The following RBFOX1 variants were observed in gnomAD, a reference collection of about 807,000 sequenced individuals.
The protein encoded by RBFOX1 is RNA binding protein fox-1 homolog 1.
RBFOX1 carries 8 observed loss-of-function variants against 57.7 expected under a neutral mutation model. The ratio of observed to expected loss-of-function variants is 0.14; its 90% CI spans 0.08 to 0.25. The LOEUF (loss-of-function observed/expected upper bound fraction) is 0.25, where lower values mean the gene tolerates loss of function less well. Among genes scored for constraint, RBFOX1 ranks in the 10% least tolerant of loss-of-function variants. The pLI, the probability that RBFOX1 is intolerant of heterozygous loss-of-function variation, is 1.00. For synonymous variants in RBFOX1, 326 were observed against 222.4 expected, an observed-to-expected ratio of 1.47 and a Z score of -4.15; for missense variants, 611 against 548.5, an observed-to-expected ratio of 1.11 and a Z score of -1.14.
rs902545049 is a variant in RBFOX1 at position 6,234,445 on chromosome 16, C to T, written c.-126-82550C>T. On this transcript the variant is annotated intron_variant, in intron 1 of 15. Coordinates refer to ENST00000550418, the MANE Select transcript of RBFOX1 (RefSeq NM_018723.4). ...TATTGGATCCTTATCATTTACCCTT[C>T]CTGCCACTTAGCATGGTGATGTCTC... 6.6e-5 allele frequency among the ~76,000 whole-genome samples: 10 copies of T among 152,288 alleles called. No individual in the cohort carries two copies. The East Asian group carries it at 1.9e-3, about 29-fold the overall frequency.
chr16:6,611,605 T>G (rs1359805281), intron 2 of RBFOX1, among the ~76,000 whole-genome samples: 1 of 152,230 alleles, frequency 6.6e-6, no homozygotes, highest in Non-Finnish European at 1.5e-5. Context: ...CGTGTTCCGC[T>G]GTTCAAGGAA....
chr16:5,366,845 C>G (rs1322960309), intron 1 of RBFOX1, among the ~76,000 whole-genome samples: 2 of 152,104 alleles, frequency 1.3e-5, no homozygotes, highest in Non-Finnish European at 2.9e-5. Context: ...ATGTGTTGTC[C>G]AAAATGCCTG....
intron 3 of RBFOX1, among the ~76,000 whole-genome samples, chr16:6,725,303 G>A (rs924522975): frequency 6.6e-6 from 1 of 151,854 alleles, no homozygotes; most frequent in Non-Finnish European, 1.5e-5. Context: ...CACCCACCTC[G>A]GCCTCCCAAA....
intron 3 of RBFOX1, among the ~76,000 whole-genome samples, chr16:6,972,549 G>C (rs1351861840): frequency 6.6e-6 from 1 of 152,054 alleles, no homozygotes; most frequent in Non-Finnish European, 1.5e-5. Flanking sequence ...TTGAACATGG[G>C]GATACAAATA....
rs551090995 is a variant in RBFOX1 at position 5,633,806 on chromosome 16, G to A, written c.318+34845G>A. The stretch of plus-strand genomic sequence containing the variant: ...GGAGAATGGCTAGAACCCAGGAGGC[G>A]GAGGCCACTGTCCTCCAGCCTGGGC... On this transcript the variant is annotated intron_variant, in intron 3 of 19. Coordinates refer to the RBFOX1 transcript ENST00000641259. Among the ~76,000 whole-genome samples, 29 of 151,604 alleles carry A rather than the reference G, an allele frequency of 1.9e-4. No individual in the cohort carries two copies. In the East Asian group the frequency reaches 3.5e-3, roughly 18 times the overall value.
intron 4 of RBFOX1, among the ~76,000 whole-genome samples, chr16:7,517,943 G>A (rs1408385272): frequency 1.3e-5 from 2 of 152,034 alleles, no homozygotes; most frequent in Non-Finnish European, 1.5e-5. Flanking sequence ...TTCTGCATCT[G>A]TAAAATGGGG....
intron 4 of RBFOX1, among the ~76,000 whole-genome samples, chr16:7,142,052 C>A (rs1214713692): frequency 6.6e-6 from 1 of 151,872 alleles, no homozygotes; most frequent in Non-Finnish European, 1.5e-5. Flanking sequence ...GAGACAGGGT[C>A]TCACTCTGTT....
At chr16:6,232,034 C>T (rs541577149) in intron 1 of RBFOX1, among the ~76,000 whole-genome samples, 2 of 152,250 alleles carry the variant, frequency 1.3e-5, no homozygotes, top group Admixed American at 6.5e-5. Flanking sequence ...TATACAAAGA[C>T]CAATATTTCC....
intron 4 of RBFOX1, among the ~76,000 whole-genome samples, chr16:7,251,161 C>T (rs1039680810): frequency 1.3e-5 from 2 of 152,098 alleles, no homozygotes; most frequent in South Asian, 4.2e-4. Flanking sequence ...TCTCCCCAAC[C>T]CTCACCAACC....
At chr16:5,843,495 C>T (rs2056677992) in intron 3 of RBFOX1, among the ~76,000 whole-genome samples, 1 of 152,118 alleles carries the variant, frequency 6.6e-6, no homozygotes, top group South Asian at 2.1e-4. Context: ...CATAGTATTC[C>T]ATGGATACAT....
Position 7,029,069 on chromosome 16 carries a change from TATATATATATATACACACACACACAC to T in RBFOX1, c.-15-22986_-15-22961del, listed in dbSNP as rs1333028568. ...AGCTATATATATATATATATATATA[TATATATATATATACACACACACACAC>T]ACACACACACACACACACACACACA... On this transcript the variant is annotated intron_variant, in intron 3 of 15. Coordinates refer to ENST00000550418, the MANE Select transcript of RBFOX1 (RefSeq NM_018723.4). 1.4e-3 allele frequency among the ~76,000 whole-genome samples: 76 copies of T among 55,592 alleles called. 5 individuals carry two copies. The highest frequency in any genetic ancestry group is 9.6e-3 in the African/African-American group (68 of 7,100). The allele number at this position is 55,592 out of a possible 152,430, so 36.5% of individuals were successfully genotyped here.
At chr16:5,926,746 A>G (rs1203319499) in intron 4 of RBFOX1, among the ~76,000 whole-genome samples, 1 of 152,188 alleles carries the variant, frequency 6.6e-6, no homozygotes, top group Non-Finnish European at 1.5e-5. Flanking sequence ...TTTTCCTCTG[A>G]AGGGGGTCCC....
chr16:5,804,935 C>A (rs1397908730), intron 3 of RBFOX1, among the ~76,000 whole-genome samples: 6 of 152,162 alleles, frequency 3.9e-5, no homozygotes, highest in Admixed American at 2.6e-4. Context: ...CAGCATTTCT[C>A]TGACAGGTTT....
At chr16:5,633,158 C>T (rs893064497) in intron 3 of RBFOX1, among the ~76,000 whole-genome samples, 1 of 151,940 alleles carries the variant, frequency 6.6e-6, no homozygotes, top group African/African-American at 2.4e-5. Context: ...AGGCTGGTCT[C>T]GAACTCCTGA....
At chr16:6,552,693 A>G (rs2097014856) in intron 2 of RBFOX1, among the ~76,000 whole-genome samples, 1 of 152,156 alleles carries the variant, frequency 6.6e-6, no homozygotes, top group African/African-American at 2.4e-5. Context: ...TGTTGCAGAA[A>G]TGGGTAATTA....
At chr16:7,690,993 G>T (rs1286805084) in intron 14 of RBFOX1, among the ~76,000 whole-genome samples, 2 of 152,102 alleles carry the variant, frequency 1.3e-5, no homozygotes, top group Non-Finnish European at 2.9e-5. Context: ...TGAAAGCATT[G>T]TTCAGGGAAG....
intron 3 of RBFOX1, among the ~76,000 whole-genome samples, chr16:6,737,904 G>C (rs1056231335): frequency 6.6e-6 from 1 of 152,110 alleles, no homozygotes; most frequent in South Asian, 2.1e-4. Context: ...TGAAGCCTAA[G>C]TTACATTTAA....
intron 2 of RBFOX1, among the ~76,000 whole-genome samples, chr16:6,417,065 A>G (rs577441361): frequency 1.4e-4 from 21 of 152,220 alleles, no homozygotes; most frequent in African/African-American, 4.8e-4. Context: ...AGGCTAAAGT[A>G]CAATGGTGCA....
chr16:5,528,445 C>A (rs1291658693), intron 2 of RBFOX1, among the ~76,000 whole-genome samples: 1 of 152,136 alleles, frequency 6.6e-6, no homozygotes, highest in Non-Finnish European at 1.5e-5. Flanking sequence ...GAGCACAGAG[C>A]AGACCACGTT....
Sources: gnomAD v4.1 joint callset for allele counts (sites outside exome capture counted in the v4.1 genomes callset) on GRCh38, gnomAD v4.1.1 for gene constraint, MANE v1.5 for transcripts, NCBI Gene and HGNC (gene_info 2026-07-23, HGNC 2026-07-21) for gene names.